The following ROBO2 variants were observed in gnomAD, a reference collection of about 807,000 sequenced individuals.
ROBO2 encodes the protein roundabout guidance receptor 2, also known as roundabout homolog 2.
ROBO2 carries 53 observed loss-of-function variants against 160.8 expected under a neutral mutation model. That is an observed-to-expected ratio of 0.33 (90% CI 0.26 to 0.41). The LOEUF (loss-of-function observed/expected upper bound fraction) is 0.41. ROBO2 is among the 10% of genes least tolerant of loss of function. The pLI is 1.00. For missense variants in ROBO2, 1,577 were observed against 1,722.4 expected (o/e 0.92, Z 1.49); for synonymous variants, 664 against 611.7 (o/e 1.09, Z -1.26).
chr3:77,468,459 G>A (rs2324828), intron 2 of ROBO2, among the ~76,000 whole-genome samples: 2,269 of 152,244 alleles, frequency 0.015, 53 homozygotes, highest in African/African-American at 0.051. Context: ...TACAGAGAGC[G>A]CGATGTTTCC....
At chr3:76,033,981 C>T (rs1000374579) in intron 2 of ROBO2, among the ~76,000 whole-genome samples, 6 of 152,150 alleles carry the variant, frequency 3.9e-5, no homozygotes, top group African/African-American at 1.4e-4. Context: ...AACATAACTT[C>T]CGTGACATTT....
intron 21 of ROBO2, among the ~76,000 whole-genome samples, chr3:77,610,741 C>CAAAAAAAAAAAAAAAAAA (rs71629658): frequency 2.0e-4 from 4 of 19,828 alleles, no homozygotes; most frequent in Non-Finnish European, 1.9e-4. Context: ...GGCCAAAGAC[C>CAAAAAAAAAAAAAAAAAA]AAAAAAAAAA....
intron 2 of ROBO2, among the ~76,000 whole-genome samples, chr3:77,360,397 G>A (rs2069781883): frequency 6.6e-6 from 1 of 152,138 alleles, no homozygotes. Context: ...GAAGGGTGGA[G>A]AGGAAAGGTG....
intron 2 of ROBO2, among the ~76,000 whole-genome samples, chr3:76,683,805 TA>T (rs1234483769): frequency 5.7e-4 from 87 of 152,280 alleles, no homozygotes; most frequent in African/African-American, 2.1e-3. Flanking sequence ...GGAGAAGTTA[TA>T]AAACAACAAC....
chr3:77,014,535 A>G (rs2062117614), intron 2 of ROBO2, among the ~76,000 whole-genome samples: 1 of 152,182 alleles, frequency 6.6e-6, no homozygotes, highest in African/African-American at 2.4e-5. Context: ...TCTAAGATGC[A>G]AGACCCCTGA....
chr3:76,288,333 C>T (rs753390656), intron 2 of ROBO2, among the ~76,000 whole-genome samples: 82 of 152,196 alleles, frequency 5.4e-4, no homozygotes, highest in Non-Finnish European at 9.6e-4. Flanking sequence ...TTCTTTTCAA[C>T]AACAGAATTT....
At chr3:75,937,079 G>A (rs1487063298) in intron 1 of ROBO2, among the ~76,000 whole-genome samples, 1 of 151,992 alleles carries the variant, frequency 6.6e-6, no homozygotes, top group African/African-American at 2.4e-5. Flanking sequence ...AAGTCCTTTT[G>A]TATATATGTA....
chr3:76,538,050 G>A (rs988273625), intron 2 of ROBO2, among the ~76,000 whole-genome samples: 15 of 151,812 alleles, frequency 9.9e-5, no homozygotes, highest in East Asian at 1.9e-4. Flanking sequence ...GTGGTTTTTC[G>A]GCTGCTCCAG....
At chr3:77,023,009 C>T (rs114159590) in intron 2 of ROBO2, among the ~76,000 whole-genome samples, 2 of 152,114 alleles carry the variant, frequency 1.3e-5, no homozygotes, top group African/African-American at 4.8e-5. Flanking sequence ...ATAAATTTGA[C>T]TACTCTAGGA....
At chr3:76,224,744 T>G (rs376048009) in intron 2 of ROBO2, among the ~76,000 whole-genome samples, 3 of 151,980 alleles carry the variant, frequency 2.0e-5, no homozygotes, top group African/African-American at 7.3e-5. Context: ...CACATTCCTG[T>G]TCTTCTAGAC....
At chr3:76,270,559 T>C (rs1707371183) in intron 2 of ROBO2, among the ~76,000 whole-genome samples, 1 of 152,062 alleles carries the variant, frequency 6.6e-6, no homozygotes, top group African/African-American at 2.4e-5. Flanking sequence ...TTTTAAGAAT[T>C]ACTACTCATT....
intron 2 of ROBO2, among the ~76,000 whole-genome samples, chr3:76,211,749 A>C (rs1187353297): frequency 6.6e-6 from 1 of 152,076 alleles, no homozygotes; most frequent in Admixed American, 6.6e-5. Context: ...CATAATTTAA[A>C]GATTCTGTCT....
At chr3:76,864,280 T>C (rs900158099) in intron 2 of ROBO2, among the ~76,000 whole-genome samples, 1 of 152,160 alleles carries the variant, frequency 6.6e-6, no homozygotes, top group Admixed American at 6.6e-5. Flanking sequence ...GCTTGGTTTA[T>C]ATTTTCAGTA....
chr3:76,275,280 A>T (rs2107649592), intron 2 of ROBO2, among the ~76,000 whole-genome samples: 1 of 152,302 alleles, frequency 6.6e-6, no homozygotes, highest in Non-Finnish European at 1.5e-5. Flanking sequence ...ATATCAGATC[A>T]GTCTACAATT....
rs182938811 is a variant in ROBO2 at position 77,439,305 on chromosome 3, A to C, written c.389-38109A>C. The stretch of plus-strand genomic sequence containing the variant: ...ATTGAAACAGTCATCTGCTTTATCA[A>C]CTTTGCTCAGGATTTGAACATGATG... On this transcript the variant is annotated intron_variant, in intron 2 of 25. Coordinates refer to ENST00000461745, the Ensembl canonical transcript of ROBO2. 1.2e-3 allele frequency among the ~76,000 whole-genome samples: 183 copies of C among 152,138 alleles called. 1 individual carries two copies. Among genetic ancestry groups the C allele is most frequent in the Non-Finnish European group, 2.4e-3 (160 of 67,956 alleles).
At chr3:76,063,558 C>A (rs2068139340) in intron 2 of ROBO2, among the ~76,000 whole-genome samples, 1 of 151,578 alleles carries the variant, frequency 6.6e-6, no homozygotes, top group African/African-American at 2.4e-5. Flanking sequence ...GTGATCCAGG[C>A]TTGTCTTGAA....
intron 2 of ROBO2, among the ~76,000 whole-genome samples, chr3:76,318,807 A>T (rs1461832490): frequency 6.6e-6 from 1 of 152,082 alleles, no homozygotes; most frequent in Non-Finnish European, 1.5e-5. Context: ...AAAAATATAA[A>T]GTTTAGTTAT....
chr3:76,498,770 C>T (rs1503127), intron 2 of ROBO2, among the ~76,000 whole-genome samples: 13,455 of 150,896 alleles, frequency 0.089, 889 homozygotes, highest in East Asian at 0.22. Context: ...GCCACTTCCG[C>T]CTCCAGGATT....
At position 77,465,920 on chromosome 3, in the gene ROBO2, G is replaced by A. The variant is rs114389269; in HGVS notation, c.389-11494G>A. ...TTTAAATTTGGTATTTAGGATATTT[G>A]CATGTATAAAAAGTACTTGGATATG... On this transcript the variant is annotated intron_variant, in intron 2 of 25. Coordinates refer to ENST00000461745, the Ensembl canonical transcript of ROBO2. Among the ~76,000 whole-genome samples the A allele has an allele frequency of 5.4e-3, 817 of 152,210 alleles. 6 individuals are homozygous for A. Among genetic ancestry groups the A allele is most frequent in the African/African-American group, 0.017 (695 of 41,540 alleles).
Sources: gnomAD v4.1 joint callset for allele counts (sites outside exome capture counted in the v4.1 genomes callset) on GRCh38, gnomAD v4.1.1 for gene constraint, MANE v1.5 for transcripts, NCBI Gene and HGNC (gene_info 2026-07-23, HGNC 2026-07-21) for gene names.